Variants in PKNOX2 observed in about 807,000 individuals in gnomAD.
The protein encoded by PKNOX2 is homeobox protein PKNOX2.
PKNOX2 carries 14 observed loss-of-function variants against 53.1 expected under a neutral mutation model. The ratio of observed to expected loss-of-function variants is 0.26; its 90% CI spans 0.17 to 0.41. The LOEUF (loss-of-function observed/expected upper bound fraction) is 0.41. PKNOX2 is among the 10% of genes least tolerant of loss of function. The pLI, the probability that PKNOX2 is intolerant of heterozygous loss-of-function variation, is 1.00. For synonymous variants in PKNOX2, 257 were observed against 242.8 expected, an observed-to-expected ratio of 1.06 and a Z score of -0.54; for missense variants, 496 against 602.8, an observed-to-expected ratio of 0.82 and a Z score of 1.85.
chr11:125,257,862 C>A (rs1252753808), intron 2 of PKNOX2, among the ~76,000 whole-genome samples: 1 of 152,202 alleles, frequency 6.6e-6, no homozygotes, highest in African/African-American at 2.4e-5. Context: ...TGCCTCTGGT[C>A]TCATCATTAA....
chr11:125,379,066 T>A (rs1173415596), intron 5 of PKNOX2, among the ~76,000 whole-genome samples: 3 of 151,206 alleles, frequency 2.0e-5, no homozygotes, highest in Admixed American at 6.6e-5. Context: ...TTTTTTTTTT[T>A]TTTTTATTTT....
intron 2 of PKNOX2, among the ~76,000 whole-genome samples, chr11:125,281,051 C>T (rs1301152036): frequency 6.6e-6 from 1 of 152,204 alleles, no homozygotes; most frequent in Non-Finnish European, 1.5e-5. Context: ...AGGTGGATCA[C>T]ACTCCAAAGA....
chr11:125,344,044 T>C (rs1170289965), intron 3 of PKNOX2, among the ~76,000 whole-genome samples: 1 of 152,064 alleles, frequency 6.6e-6, no homozygotes, highest in Non-Finnish European at 1.5e-5. Flanking sequence ...AGGAGGGTGA[T>C]GGACCCAGTG....
intron 1 of PKNOX2, among the ~76,000 whole-genome samples, chr11:125,209,247 A>G (rs1175957703): frequency 6.6e-6 from 1 of 152,134 alleles, no homozygotes; most frequent in Non-Finnish European, 1.5e-5. Flanking sequence ...TCTCTGAAAC[A>G]GGCAGGGCCA....
At chr11:125,206,196 G>T (rs1012981911) in intron 1 of PKNOX2, among the ~76,000 whole-genome samples, 1 of 151,974 alleles carries the variant, frequency 6.6e-6, no homozygotes, top group Non-Finnish European at 1.5e-5. Flanking sequence ...GCGGTGGGGG[G>T]GAGAACCGAG....
Position 125,411,503 on chromosome 11 carries a change from T to TCC in PKNOX2, c.817-242_817-241insCC, listed in dbSNP as rs1330064967. ...CTCTCTCTCTCTCTCTCTCTCTCTC[T>TCC]CTCTCTCCCCCCCTTCCCCATCTCT... On this transcript the variant is annotated intron_variant, in intron 9 of 12. Coordinates refer to ENST00000298282, the MANE Select transcript of PKNOX2 (RefSeq NM_001382323.2). 2.5e-4 allele frequency: 109 copies of TCC among 440,756 alleles called. 1 individual carries two copies. Among genetic ancestry groups the TCC allele is most frequent in the African/African-American group, 2.0e-3 (86 of 43,388 alleles). 27.3% of individuals were successfully genotyped at this position (440,756 alleles called of 1,614,324 possible).
chr11:125,222,261 G>T (rs539554668), intron 1 of PKNOX2, among the ~76,000 whole-genome samples: 1 of 152,216 alleles, frequency 6.6e-6, no homozygotes, highest in East Asian at 1.9e-4. Flanking sequence ...CTTCCAGTTG[G>T]GATTTTTTTC....
intron 1 of PKNOX2, among the ~76,000 whole-genome samples, chr11:125,206,774 C>T (rs1039371900): frequency 2.0e-5 from 3 of 152,040 alleles, no homozygotes; most frequent in Non-Finnish European, 2.9e-5. Context: ...GCAAAGACAG[C>T]GCTCAGTAAA....
intron 1 of PKNOX2, among the ~76,000 whole-genome samples, chr11:125,183,681 ACTAAACTAAGAAGATAAACACCATTT>A (rs1258079476): frequency 6.6e-6 from 1 of 151,972 alleles, no homozygotes; most frequent in East Asian, 1.9e-4. Context: ...AAATGGTCAC[ACTAAACTAAGAAGATAAACACCATTT>A]CTAAAGACAT....
chr11:125,170,453 G>A (rs1389163342), intron 1 of PKNOX2, among the ~76,000 whole-genome samples: 3 of 152,178 alleles, frequency 2.0e-5, no homozygotes, highest in African/African-American at 7.2e-5. Flanking sequence ...GGAGGGCACA[G>A]TCTTTCTACC....
At chr11:125,410,364 C>T (rs2135541512) in intron 8 of PKNOX2, 39 bp downstream of exon 8, 1 of 1,611,194 alleles carries the variant, frequency 6.2e-7, no homozygotes, top group Non-Finnish European at 8.5e-7. Context: ...GTGGGAATTC[C>T]CTGGGAGGAG....
intron 2 of PKNOX2, among the ~76,000 whole-genome samples, chr11:125,315,316 A>AC (rs1192174354): frequency 2.8e-4 from 43 of 151,616 alleles, no homozygotes; most frequent in Admixed American, 5.9e-4. Flanking sequence ...AAAAAAAAAA[A>AC]AAAAAAAAAA....
At chr11:125,221,099 G>A (rs1941100092) in intron 1 of PKNOX2, among the ~76,000 whole-genome samples, 1 of 152,136 alleles carries the variant, frequency 6.6e-6, no homozygotes, top group African/African-American at 2.4e-5. Flanking sequence ...AGGTTGCAGT[G>A]AGCCGAGATC....
At chr11:125,202,762 C>T (rs681452) in intron 1 of PKNOX2, among the ~76,000 whole-genome samples, 1 of 151,900 alleles carries the variant, frequency 6.6e-6, no homozygotes, top group East Asian at 1.9e-4. Flanking sequence ...AATTTCATCA[C>T]CCCTTCAGGC....
At chr11:125,402,403 G>C (rs962722914) in intron 7 of PKNOX2, among the ~76,000 whole-genome samples, 1 of 152,150 alleles carries the variant, frequency 6.6e-6, no homozygotes, top group African/African-American at 2.4e-5. Flanking sequence ...CCACTAGAGA[G>C]ACACCTCACT....
intron 3 of PKNOX2, among the ~76,000 whole-genome samples, chr11:125,343,467 A>C (rs1055943293): frequency 7.2e-5 from 11 of 152,138 alleles, no homozygotes; most frequent in African/African-American, 2.7e-4. Flanking sequence ...GTGCTTAAAG[A>C]GGAGATGAGA....
At chr11:125,286,399 G>T (rs1946901230) in intron 2 of PKNOX2, among the ~76,000 whole-genome samples, 1 of 152,208 alleles carries the variant, frequency 6.6e-6, no homozygotes, top group Admixed American at 6.5e-5. Flanking sequence ...AATCCTTTTG[G>T]AACATAAACA....
rs191425617 is a variant in PKNOX2 at position 125,405,451 on chromosome 11, T to C, written c.589-4745T>C. Among the ~76,000 whole-genome samples, 8 of 152,266 alleles carry C rather than the reference T, an allele frequency of 5.3e-5. No individual in the cohort carries two copies. The East Asian group carries it at 1.4e-3, about 26-fold the overall frequency. ...ACGGTGGCTCACAGGGACAGACAGC[T>C]CTTCCTGGGCTGACGTGAGACCGCT... is the stretch of plus-strand genomic sequence containing the variant. On this transcript the variant is annotated intron_variant, in intron 7 of 12. Coordinates refer to ENST00000298282, the MANE Select transcript of PKNOX2 (RefSeq NM_001382323.2).
chr11:125,190,151 C>G (rs188470002), intron 1 of PKNOX2: 1 of 152,206 alleles, frequency 6.6e-6, no homozygotes, highest in Non-Finnish European at 1.5e-5. Context: ...GTCTCGATCT[C>G]TTGACCTTGT....
Sources: gnomAD v4.1 joint callset for allele counts (sites outside exome capture counted in the v4.1 genomes callset) on GRCh38, gnomAD v4.1.1 for gene constraint, MANE v1.5 for transcripts, NCBI Gene and HGNC (gene_info 2026-07-23, HGNC 2026-07-21) for gene names.